ERC2: variants seen among roughly 807,000 people sequenced by gnomAD.
ERC2 encodes the protein ERC protein 2.
In ERC2, 42 loss-of-function variants were observed where a neutral mutation model predicts 114.8. The observed-to-expected ratio is 0.37, with a 90% CI of 0.29 to 0.47. The LOEUF (loss-of-function observed/expected upper bound fraction) is 0.47. Among genes scored for constraint, ERC2 ranks in the 20% least tolerant of loss-of-function variants. The probability of loss-of-function intolerance (pLI) is 0.99; values close to 1 mark genes in which losing one functional copy is unlikely to be tolerated. For synonymous variants in ERC2, 454 were observed against 425.5 expected (o/e 1.07, Z -0.82); for missense variants, 939 against 1,150.7 (o/e 0.82, Z 2.66).
intron 12 of ERC2, among the ~76,000 whole-genome samples, chr3:55,976,168 A>G (rs2069573163): frequency 6.6e-6 from 1 of 152,152 alleles, no homozygotes; most frequent in Admixed American, 6.5e-5. Flanking sequence ...TTAGCCAGGG[A>G]TCTCGATTAT....
At chr3:56,207,294 C>T (rs530755495) in intron 3 of ERC2, among the ~76,000 whole-genome samples, 1 of 152,128 alleles carries the variant, frequency 6.6e-6, no homozygotes, top group South Asian at 2.1e-4. Flanking sequence ...TAAAAAAACA[C>T]ACAATAGTTT....
At chr3:55,583,419 C>CTTCT (rs2057382711) in intron 17 of ERC2, among the ~76,000 whole-genome samples, 1 of 127,766 alleles carries the variant, frequency 7.8e-6, no homozygotes, top group African/African-American at 3.0e-5. Flanking sequence ...TCCTTCCTTC[C>CTTCT]TTCCTTCCTT....
intron 12 of ERC2, among the ~76,000 whole-genome samples, chr3:55,956,800 GC>G (rs1309455244): frequency 1.3e-5 from 2 of 152,154 alleles, no homozygotes; most frequent in Non-Finnish European, 2.9e-5. Context: ...AAGCCATGCA[GC>G]AGGATGCCCA....
intron 16 of ERC2, among the ~76,000 whole-genome samples, chr3:55,689,263 T>C (rs2148795228): frequency 1.3e-5 from 2 of 152,294 alleles, no homozygotes; most frequent in East Asian, 3.9e-4. Context: ...CTCAATTTTT[T>C]TTTTTTGCAT....
intron 14 of ERC2, among the ~76,000 whole-genome samples, chr3:55,855,417 C>T (rs564950988): frequency 6.6e-6 from 1 of 152,246 alleles, no homozygotes; most frequent in Non-Finnish European, 1.5e-5. Context: ...TATTTATATG[C>T]AAACTTCCAA....
intron 3 of ERC2, among the ~76,000 whole-genome samples, chr3:56,240,617 GA>G (rs1329535706): frequency 6.6e-6 from 1 of 151,982 alleles, no homozygotes; most frequent in Non-Finnish European, 1.5e-5. Flanking sequence ...ACAGAGAAAA[GA>G]AAATCTTGTA....
intron 6 of ERC2, among the ~76,000 whole-genome samples, chr3:56,134,907 T>A (rs2080405896): frequency 7.9e-6 from 1 of 127,228 alleles, no homozygotes; most frequent in Non-Finnish European, 1.7e-5. Context: ...AATAAATCTC[T>A]CTCTTTTTTT....
intron 14 of ERC2, among the ~76,000 whole-genome samples, chr3:55,765,632 T>C (rs2067723419): frequency 6.6e-6 from 1 of 152,192 alleles, no homozygotes; most frequent in Non-Finnish European, 1.5e-5. Flanking sequence ...AGTGGGTCGT[T>C]ACTTGAGGCT....
chr3:55,781,143 ACT>A (rs2069007026), intron 14 of ERC2, among the ~76,000 whole-genome samples: 1 of 152,080 alleles, frequency 6.6e-6, no homozygotes, highest in Admixed American at 6.5e-5. Context: ...TGCACTGAGC[ACT>A]CTGTCAACAC....
At chr3:55,708,293 C>T (rs1239640451) in intron 15 of ERC2, among the ~76,000 whole-genome samples, 3 of 152,226 alleles carry the variant, frequency 2.0e-5, no homozygotes, top group Non-Finnish European at 4.4e-5. Context: ...AACACATTAG[C>T]AACTCCAGAC....
intron 13 of ERC2, among the ~76,000 whole-genome samples, chr3:55,930,103 G>T (rs947078972): frequency 6.6e-6 from 1 of 152,154 alleles, no homozygotes; most frequent in Non-Finnish European, 1.5e-5. Flanking sequence ...GCCAGGCATA[G>T]TGGTGGGCAC....
intron 17 of ERC2, among the ~76,000 whole-genome samples, chr3:55,548,679 T>A (rs2054930636): frequency 6.6e-6 from 1 of 152,216 alleles, no homozygotes; most frequent in Non-Finnish European, 1.5e-5. Context: ...TGGGTGTCCT[T>A]CGATGGGCCA....
chr3:55,760,737 C>T (rs2067375188), intron 14 of ERC2, among the ~76,000 whole-genome samples: 1 of 152,002 alleles, frequency 6.6e-6, no homozygotes, highest in African/African-American at 2.4e-5. Context: ...TGCACGTGAA[C>T]ACGCCATGTA....
In ERC2 at chr3:55,941,908, C is replaced by G. The variant is rs2066820083; in HGVS notation, c.2403+8517G>C. On this transcript the variant is annotated intron_variant, in intron 13 of 17. Transcript: ENST00000288221. Reference sequence around the variant, plus strand: ...TAGTTTTAAAGACATAAGAGAGGCACAGGAAATGATAGAATATCCTGTTAT... The same window carrying G: ...TAGTTTTAAAGACATAAGAGAGGCAGAGGAAATGATAGAATATCCTGTTAT... Among the ~76,000 whole-genome samples the G allele has an allele frequency of 2.0e-5, 3 of 152,152 alleles. No individual in the cohort carries two copies. In the South Asian group the frequency reaches 6.2e-4, roughly 31 times the overall value.
chr3:56,015,243 C>A (rs933009186), intron 8 of ERC2, among the ~76,000 whole-genome samples: 3 of 152,204 alleles, frequency 2.0e-5, no homozygotes, highest in African/African-American at 7.2e-5. Context: ...TACATGTGCA[C>A]GATGTGTAGG....
chr3:55,815,504 A>G (rs750755310), intron 14 of ERC2, among the ~76,000 whole-genome samples: 7 of 152,190 alleles, frequency 4.6e-5, no homozygotes, highest in Non-Finnish European at 8.8e-5. Context: ...CGTGGAAAAC[A>G]CAAGAAGGCA....
intron 6 of ERC2, among the ~76,000 whole-genome samples, chr3:56,117,928 C>T (rs1021074368): frequency 6.6e-6 from 1 of 152,208 alleles, no homozygotes; most frequent in East Asian, 1.9e-4. Context: ...AGATTTTAGA[C>T]AGTGAATTGA....
chr3:56,063,130 C>T (rs1369438891), intron 7 of ERC2, among the ~76,000 whole-genome samples: 1 of 152,138 alleles, frequency 6.6e-6, no homozygotes, highest in African/African-American at 2.4e-5. Flanking sequence ...TATCCATATA[C>T]AGGATGATTC....
chr3:56,200,348 GA>G (rs5849133), intron 3 of ERC2, among the ~76,000 whole-genome samples: 274 of 141,364 alleles, frequency 1.9e-3, no homozygotes, highest in African/African-American at 2.9e-3. Context: ...ATACTCAGGG[GA>G]AAAAAAAAAA....
Sources: gnomAD v4.1 joint callset for allele counts (sites outside exome capture counted in the v4.1 genomes callset) on GRCh38, gnomAD v4.1.1 for gene constraint, MANE v1.5 for transcripts, NCBI Gene and HGNC (gene_info 2026-07-23, HGNC 2026-07-21) for gene names.